Variants in IGFBP7 observed in about 807,000 individuals in gnomAD.
IGFBP7 encodes insulin-like growth factor-binding protein 7.
Under a neutral mutation model 29.4 loss-of-function variants are expected in IGFBP7, and 31 were observed. The ratio of observed to expected loss-of-function variants is 1.05; its 90% CI spans 0.79 to 1.42. The LOEUF is 1.42. IGFBP7 is among the 40% of genes most tolerant of loss of function. The pLI is 0.00. For missense variants in IGFBP7, 393 were observed against 395.5 expected (o/e 0.99, Z 0.05); for synonymous variants, 172 against 174.9 (o/e 0.98, Z 0.13).
At chr4:57,060,116 C>T (rs1434897695) in intron 1 of IGFBP7, among the ~76,000 whole-genome samples, 1 of 152,124 alleles carries the variant, frequency 6.6e-6, no homozygotes, top group Non-Finnish European at 1.5e-5. Context: ...ACTATACATG[C>T]AATTATAAAA....
At position 57,080,243 on chromosome 4, in the gene IGFBP7, G is replaced by C. The variant is rs148880039; in HGVS notation, c.475+29634C>G. Among the ~76,000 whole-genome samples the C allele has an allele frequency of 6.6e-4, 101 of 152,246 alleles. No individual in the cohort carries two copies. The East Asian group carries it at 0.017, about 26-fold the overall frequency. ...AAAATAACATACTTTATCTCAGTAA[G>C]AAAAGCAAGAAATGTCTAAAACTGA... On this transcript the variant is annotated intron_variant, in intron 1 of 4. Transcript: ENST00000295666.
At chr4:57,058,762 C>T (rs1284608596) in intron 1 of IGFBP7, among the ~76,000 whole-genome samples, 1 of 152,158 alleles carries the variant, frequency 6.6e-6, no homozygotes, top group African/African-American at 2.4e-5. Context: ...CCTAATTAAA[C>T]TTAAGAGCTT....
intron 1 of IGFBP7, among the ~76,000 whole-genome samples, chr4:57,052,225 C>G (rs1385553045): frequency 6.6e-6 from 1 of 152,072 alleles, no homozygotes; most frequent in Non-Finnish European, 1.5e-5. Flanking sequence ...CTAACACTAC[C>G]CAGTAACTGA....
intron 1 of IGFBP7, among the ~76,000 whole-genome samples, chr4:57,092,828 T>C (rs944132963): frequency 6.6e-6 from 1 of 151,136 alleles, no homozygotes; most frequent in African/African-American, 2.4e-5. Context: ...ATTCAAATTA[T>C]TACAAATATA....
intron 1 of IGFBP7, among the ~76,000 whole-genome samples, chr4:57,044,907 G>T (rs1434561276): frequency 6.6e-6 from 1 of 152,094 alleles, no homozygotes; most frequent in Admixed American, 6.6e-5. Context: ...ACAGAGTCTT[G>T]CTATGTTGAC....
intron 1 of IGFBP7, among the ~76,000 whole-genome samples, chr4:57,054,061 T>G (rs1480508922): frequency 1.3e-5 from 2 of 152,036 alleles, no homozygotes; most frequent in Non-Finnish European, 2.9e-5. Context: ...AGGTTGGTCT[T>G]GGACTCCCAG....
chr4:57,033,180 G>C lies in IGFBP7; in HGVS notation c.702+15C>G. 6.5e-7 allele frequency: 1 copy of C among 1,531,798 alleles called. No individual in the cohort carries two copies. Among genetic ancestry groups the C allele is most frequent in the African/African-American group, 1.4e-5 (1 of 73,502 alleles). 94.9% of individuals were successfully genotyped at this position (1,531,798 alleles called of 1,614,324 possible). Reference sequence around the variant, plus strand: ...AAGAATGAAACTCTTGCCAGCTCTTGGTACTGGTACTCACCAGCACCCAGC... The same window carrying C: ...AAGAATGAAACTCTTGCCAGCTCTTCGTACTGGTACTCACCAGCACCCAGC... On this transcript the variant is annotated intron_variant, in intron 3 of 4. Coordinates refer to ENST00000295666, the MANE Select transcript of IGFBP7 (RefSeq NM_001553.3).
chr4:57,032,914 A>G (rs973342273), intron 3 of IGFBP7, among the ~76,000 whole-genome samples: 3 of 152,212 alleles, frequency 2.0e-5, no homozygotes, highest in Non-Finnish European at 4.4e-5. Flanking sequence ...ATCAGTTAAA[A>G]CAATGCTTGG....
At chr4:57,051,034 A>C (rs777005069) in intron 1 of IGFBP7, among the ~76,000 whole-genome samples, 2 of 152,234 alleles carry the variant, frequency 1.3e-5, no homozygotes, top group African/African-American at 2.4e-5. Context: ...CAGATACCAC[A>C]TATGGAGATA....
intron 1 of IGFBP7, among the ~76,000 whole-genome samples, chr4:57,105,240 C>A (rs572482285): frequency 2.0e-5 from 3 of 152,342 alleles, no homozygotes; most frequent in Non-Finnish European, 2.9e-5. Flanking sequence ...TAACCTATTT[C>A]TCCGATGTAC....
chr4:57,065,098 T>G (rs143188714), intron 1 of IGFBP7, among the ~76,000 whole-genome samples: 3 of 152,368 alleles, frequency 2.0e-5, no homozygotes, highest in African/African-American at 7.2e-5. Flanking sequence ...TCTGGAAAAC[T>G]GCAGCCCATC....
At chr4:57,047,909 A>T (rs528111337) in intron 1 of IGFBP7, among the ~76,000 whole-genome samples, 1 of 151,992 alleles carries the variant, frequency 6.6e-6, no homozygotes. Context: ...TAAATTTTGT[A>T]TTTTTTTAGA....
chr4:57,089,193 T>C (rs1725577133), intron 1 of IGFBP7, among the ~76,000 whole-genome samples: 1 of 152,178 alleles, frequency 6.6e-6, no homozygotes, highest in South Asian at 2.1e-4. Context: ...AATTAGAAAT[T>C]CACCTTACTT....
At chr4:57,102,408 G>A (rs1461500668) in intron 1 of IGFBP7, among the ~76,000 whole-genome samples, 1 of 151,996 alleles carries the variant, frequency 6.6e-6, no homozygotes, top group African/African-American at 2.4e-5. Flanking sequence ...TCCCCCAGAT[G>A]TGGCCCCTCC....
chr4:57,050,960 G>C (rs13145672), intron 1 of IGFBP7, among the ~76,000 whole-genome samples: 42,076 of 151,918 alleles, frequency 0.28, 6,050 homozygotes, highest in East Asian at 0.47. Flanking sequence ...CTTGATGCTG[G>C]GTCCTGAAAA....
At chr4:57,052,936 A>G (rs958030517) in intron 1 of IGFBP7, among the ~76,000 whole-genome samples, 5 of 152,228 alleles carry the variant, frequency 3.3e-5, no homozygotes, top group Non-Finnish European at 5.9e-5. Flanking sequence ...AATTGACCAC[A>G]GAACATGCAC....
At chr4:57,093,499 C>CAAA (rs538065423) in intron 1 of IGFBP7, among the ~76,000 whole-genome samples, 1 of 110,096 alleles carries the variant, frequency 9.1e-6, no homozygotes, top group African/African-American at 3.5e-5. Flanking sequence ...GACTCTGTCT[C>CAAA]AAAAAAAAAA....
At chr4:57,057,339 A>T in intron 1 of IGFBP7, among the ~76,000 whole-genome samples, 1 of 152,222 alleles carries the variant, frequency 6.6e-6, no homozygotes, top group East Asian at 1.9e-4. Context: ...TGAGGACATT[A>T]TGCCTTTACA....
At chr4:57,037,601 T>C (rs551960939) in intron 2 of IGFBP7, among the ~76,000 whole-genome samples, 1 of 152,180 alleles carries the variant, frequency 6.6e-6, no homozygotes, top group Non-Finnish European at 1.5e-5. Flanking sequence ...GCCTTGTCTA[T>C]TGGGATCTGC....
Sources: allele counts gnomAD v4.1 joint callset (sites outside exome capture counted in the v4.1 genomes callset), GRCh38; gene constraint gnomAD v4.1.1; transcripts MANE v1.5; gene names NCBI Gene and HGNC (gene_info 2026-07-23, HGNC 2026-07-21).